The following MAGI2 variants were observed in gnomAD, a reference collection of about 807,000 sequenced individuals.
MAGI2 encodes membrane associated guanylate kinase, WW and PDZ domain containing 2.
In MAGI2, 35 loss-of-function variants were observed where a neutral mutation model predicts 133.3. The observed-to-expected ratio is 0.26, with a 90% CI of 0.20 to 0.35. MAGI2 has a LOEUF of 0.35. Ranked by LOEUF, MAGI2 falls within the 10% of genes least tolerant of loss-of-function variation. MAGI2 has a pLI of 1.00. For missense variants in MAGI2, 1,636 were observed against 1,863.4 expected, an observed-to-expected ratio of 0.88 and a Z score of 2.25; for synonymous variants, 729 against 710.6, an observed-to-expected ratio of 1.03 and a Z score of -0.41.
intron 10 of MAGI2, among the ~76,000 whole-genome samples, chr7:78,232,108 A>T (rs1790039690): frequency 6.6e-6 from 1 of 152,134 alleles, no homozygotes; most frequent in African/African-American, 2.4e-5. Flanking sequence ...TTTAAGGTAT[A>T]CTGTTGGAAA....
intron 21 of MAGI2, among the ~76,000 whole-genome samples, chr7:78,071,554 G>C (rs1187718491): frequency 1.3e-5 from 2 of 152,158 alleles, no homozygotes; most frequent in Non-Finnish European, 2.9e-5. Context: ...AGAAAAAAAA[G>C]AAAGCCCCTG....
chr7:79,174,775 A>C (rs1034284790), intron 1 of MAGI2, among the ~76,000 whole-genome samples: 1 of 151,972 alleles, frequency 6.6e-6, no homozygotes, highest in East Asian at 1.9e-4. Flanking sequence ...AACTGAATAC[A>C]AAATGTTTAC....
intron 2 of MAGI2, among the ~76,000 whole-genome samples, chr7:78,721,850 GA>G (rs1344624040): frequency 6.6e-6 from 1 of 151,816 alleles, no homozygotes; most frequent in African/African-American, 2.4e-5. Context: ...CAAGAGAAGA[GA>G]AAAATGTAAG....
intron 21 of MAGI2, among the ~76,000 whole-genome samples, chr7:78,074,938 G>A (rs2151175032): frequency 6.6e-6 from 1 of 152,354 alleles, no homozygotes; most frequent in East Asian, 1.9e-4. Flanking sequence ...AGAAAGGCCA[G>A]CTTTCGAGGT....
chr7:79,096,209 G>C (rs2886052), intron 1 of MAGI2, among the ~76,000 whole-genome samples: 95,365 of 152,008 alleles, frequency 0.63, 36,234 homozygotes, highest in Non-Finnish European at 0.85. Context: ...TAGACCAATG[G>C]GAAGTAGGCA....
At chr7:78,471,542 G>A (rs1483390391) in intron 6 of MAGI2, among the ~76,000 whole-genome samples, 3 of 152,096 alleles carry the variant, frequency 2.0e-5, no homozygotes, top group Non-Finnish European at 4.4e-5. Context: ...TTTATGATTA[G>A]ACATACTTCT....
intron 21 of MAGI2, among the ~76,000 whole-genome samples, chr7:78,040,522 C>A (rs1810713378): frequency 6.6e-6 from 1 of 152,180 alleles, no homozygotes; most frequent in Non-Finnish European, 1.5e-5. Context: ...GGTAAGGTCA[C>A]CCCACACGGG....
intron 14 of MAGI2, among the ~76,000 whole-genome samples, chr7:78,174,895 C>T (rs1480932660): frequency 1.3e-5 from 2 of 152,124 alleles, no homozygotes; most frequent in Non-Finnish European, 2.9e-5. Flanking sequence ...GGATAAAAAC[C>T]CTGGACACCA....
chr7:78,314,972 T>C (rs752595352), intron 9 of MAGI2, among the ~76,000 whole-genome samples: 17 of 152,158 alleles, frequency 1.1e-4, no homozygotes, highest in Non-Finnish European at 1.5e-5. Flanking sequence ...AGTTTGCAGA[T>C]AGGACATGCT....
intron 1 of MAGI2, among the ~76,000 whole-genome samples, chr7:79,336,275 T>C (rs1840433159): frequency 6.6e-6 from 1 of 152,120 alleles, no homozygotes; most frequent in Non-Finnish European, 1.5e-5. Flanking sequence ...AACGTCACAC[T>C]ACTATTAAGA....
Position 78,490,047 on chromosome 7 carries a change from G to A in MAGI2, c.966-207C>T, listed in dbSNP as rs927265203. ...GCAACCTCAGCTCCCTGTCCTCAAAGCAGCTATTTTTATTAAAATCAACTA... is the reference window on the plus strand; with the variant it reads ...GCAACCTCAGCTCCCTGTCCTCAAAACAGCTATTTTTATTAAAATCAACTA... On this transcript the variant is annotated intron_variant, in intron 5 of 21. Transcript: ENST00000354212. The A allele has an allele frequency of 6.3e-6, 3 of 477,022 alleles. No homozygotes were observed. The Admixed American group carries it at 1.1e-4, about 17-fold the overall frequency. The allele number at this position is 477,022 out of a possible 1,614,324, so 29.5% of individuals were successfully genotyped here. A position where few individuals can be genotyped will look rare whatever the true frequency, so the allele number is the denominator to read the frequency against.
At chr7:78,263,094 C>T (rs986704691) in intron 9 of MAGI2, among the ~76,000 whole-genome samples, 1 of 152,124 alleles carries the variant, frequency 6.6e-6, no homozygotes, top group African/African-American at 2.4e-5. Context: ...ATTTTCTGTT[C>T]TTGTGTTAAC....
intron 9 of MAGI2, among the ~76,000 whole-genome samples, chr7:78,314,601 C>A (rs1787214279): frequency 6.6e-6 from 1 of 152,234 alleles, no homozygotes; most frequent in East Asian, 1.9e-4. Context: ...AGAGTGTTAA[C>A]CAGGGGCATG....
intron 2 of MAGI2, among the ~76,000 whole-genome samples, chr7:78,895,764 AT>A (rs1797167824): frequency 6.6e-6 from 1 of 152,224 alleles, no homozygotes. Flanking sequence ...ACTTGGTTTC[AT>A]TAGCAGAAAC....
chr7:78,676,427 C>A (rs1815029928), intron 2 of MAGI2, among the ~76,000 whole-genome samples: 1 of 152,096 alleles, frequency 6.6e-6, no homozygotes, highest in African/African-American at 2.4e-5. Context: ...CTTGTTAATT[C>A]TATACACTCC....
chr7:79,161,868 C>T (rs1437895324), intron 1 of MAGI2, among the ~76,000 whole-genome samples: 1 of 152,026 alleles, frequency 6.6e-6, no homozygotes, highest in Non-Finnish European at 1.5e-5. Context: ...ATTAGAGACA[C>T]TGGTTATTTT....
At chr7:79,292,770 C>CAAAAAAA (rs199933554) in intron 1 of MAGI2, among the ~76,000 whole-genome samples, 5,302 of 57,244 alleles carry the variant, frequency 0.093, 1,811 homozygotes, top group Non-Finnish European at 0.12. Flanking sequence ...TCAATTTCTG[C>CAAAAAAA]AAAAAAAAAA....
intron 1 of MAGI2, among the ~76,000 whole-genome samples, chr7:79,114,277 T>A (rs567674045): frequency 7.2e-5 from 11 of 152,186 alleles, no homozygotes; most frequent in African/African-American, 2.7e-4. Context: ...CTCCTTACTC[T>A]ATGAAGGATA....
At chr7:78,523,339 A>G (rs932697524) in intron 3 of MAGI2, among the ~76,000 whole-genome samples, 11 of 151,948 alleles carry the variant, frequency 7.2e-5, no homozygotes, top group South Asian at 2.1e-4. Context: ...TAGTTGAGAG[A>G]TAATTGCCCG....
Sources: gnomAD v4.1 joint callset for allele counts (sites outside exome capture counted in the v4.1 genomes callset) on GRCh38, gnomAD v4.1.1 for gene constraint, MANE v1.5 for transcripts, NCBI Gene and HGNC (gene_info 2026-07-23, HGNC 2026-07-21) for gene names.